The following TMEM117 variants were observed in gnomAD, a reference collection of about 807,000 sequenced individuals.
TMEM117 encodes transmembrane protein 117.
Under a neutral mutation model 52.4 loss-of-function variants are expected in TMEM117, and 27 were observed. That is an observed-to-expected ratio of 0.51 (90% CI 0.38 to 0.71). TMEM117 has a LOEUF of 0.71. Ranked by LOEUF, TMEM117 falls within the 30% of genes least tolerant of loss-of-function variation. The pLI is 0.00. For synonymous variants in TMEM117, 215 were observed against 206.3 expected, an observed-to-expected ratio of 1.04 and a Z score of -0.36; for missense variants, 556 against 630.5, an observed-to-expected ratio of 0.88 and a Z score of 1.26.
intron 6 of TMEM117, among the ~76,000 whole-genome samples, chr12:44,340,947 C>A (rs1951408486): frequency 1.3e-5 from 2 of 152,044 alleles, no homozygotes; most frequent in Admixed American, 1.3e-4. Flanking sequence ...CCACCCACCT[C>A]CCATCTCTCA....
At chr12:44,024,241 G>C (rs1474258642) in intron 3 of TMEM117, among the ~76,000 whole-genome samples, 6 of 152,156 alleles carry the variant, frequency 3.9e-5, no homozygotes, top group African/African-American at 1.4e-4. Flanking sequence ...ATGAAGACAA[G>C]TCAGTTGATA....
intron 6 of TMEM117, among the ~76,000 whole-genome samples, chr12:44,306,632 G>C (rs17094405): frequency 6.6e-6 from 1 of 152,116 alleles, no homozygotes; most frequent in Non-Finnish European, 1.5e-5. Flanking sequence ...AGGAGAGGAA[G>C]TGTTTTATCA....
intron 1 of TMEM117, among the ~76,000 whole-genome samples, chr12:43,843,669 TA>T (rs1177723944): frequency 3.9e-5 from 6 of 152,196 alleles, no homozygotes; most frequent in African/African-American, 1.4e-4. Flanking sequence ...TCTTCACTAG[TA>T]AAAAAATTCT....
intron 6 of TMEM117, among the ~76,000 whole-genome samples, chr12:44,358,136 T>G (rs1310943150): frequency 6.6e-6 from 1 of 151,838 alleles, no homozygotes; most frequent in African/African-American, 2.4e-5. Flanking sequence ...AACAGGGACA[T>G]AAAGCAACAA....
At chr12:43,838,445 A>G (rs531688930) in intron 1 of TMEM117, among the ~76,000 whole-genome samples, 4 of 148,930 alleles carry the variant, frequency 2.7e-5, no homozygotes, top group African/African-American at 9.9e-5. Context: ...GACATTCCAT[A>G]TATTTGGTTT....
At chr12:44,206,911 A>C (rs932230149) in intron 4 of TMEM117, among the ~76,000 whole-genome samples, 5 of 152,142 alleles carry the variant, frequency 3.3e-5, no homozygotes, top group African/African-American at 1.2e-4. Context: ...AGCAAACCCC[A>C]GTGACACACA....
intron 2 of TMEM117, among the ~76,000 whole-genome samples, chr12:43,891,514 A>G (rs1416036608): frequency 6.6e-6 from 1 of 151,446 alleles, no homozygotes; most frequent in Non-Finnish European, 1.5e-5. Flanking sequence ...CTGGGACTAC[A>G]GGCACCCACC....
intron 4 of TMEM117, among the ~76,000 whole-genome samples, chr12:44,152,658 A>G (rs1948765118): frequency 1.5e-5 from 2 of 131,602 alleles, no homozygotes; most frequent in Non-Finnish European, 3.1e-5. Flanking sequence ...TATAATATTT[A>G]TATCATATAT....
chr12:44,147,129 G>C (rs1948654073), intron 4 of TMEM117, among the ~76,000 whole-genome samples: 1 of 152,120 alleles, frequency 6.6e-6, no homozygotes, highest in Non-Finnish European at 1.5e-5. Flanking sequence ...TTTTAAAATA[G>C]GTTAATATGT....
chr12:44,171,778 G>A (rs1454370856), intron 4 of TMEM117, among the ~76,000 whole-genome samples: 1 of 152,130 alleles, frequency 6.6e-6, no homozygotes, highest in Non-Finnish European at 1.5e-5. Context: ...TATCAAGACT[G>A]GGAGAGGGGA....
intron 3 of TMEM117, among the ~76,000 whole-genome samples, chr12:44,045,826 G>A (rs1166069959): frequency 6.6e-5 from 10 of 152,088 alleles, no homozygotes; most frequent in African/African-American, 1.7e-4. Context: ...CTGGGCGACC[G>A]TGCGAGACTC....
chr12:43,905,304 T>G (rs1004730501), intron 2 of TMEM117, among the ~76,000 whole-genome samples: 2 of 152,184 alleles, frequency 1.3e-5, no homozygotes, highest in Admixed American at 6.5e-5. Flanking sequence ...CTAGAATACT[T>G]GAGTATTCTT....
intron 3 of TMEM117, among the ~76,000 whole-genome samples, chr12:44,085,294 A>G (rs1043277544): frequency 2.6e-5 from 4 of 152,056 alleles, no homozygotes; most frequent in Non-Finnish European, 5.9e-5. Flanking sequence ...TGTGCTTTAC[A>G]TAGTGCTCAA....
intron 3 of TMEM117, among the ~76,000 whole-genome samples, chr12:44,049,838 G>T (rs1330986293): frequency 3.3e-5 from 5 of 152,130 alleles, no homozygotes; most frequent in Non-Finnish European, 7.4e-5. Context: ...TTTTCAATTG[G>T]AGAGAATGGC....
chr12:43,994,794 G>A (rs987332090), intron 3 of TMEM117, among the ~76,000 whole-genome samples: 7 of 151,988 alleles, frequency 4.6e-5, no homozygotes, highest in African/African-American at 1.5e-4. Context: ...AATGGTCTTC[G>A]TTGGACTGGG....
chr12:44,387,163 GA>G (rs1952099877), intron 7 of TMEM117, among the ~76,000 whole-genome samples: 3 of 151,348 alleles, frequency 2.0e-5, no homozygotes, highest in Admixed American at 1.3e-4. Context: ...AGTATCACTC[GA>G]AAGTTTTTTC....
chr12:43,852,461 G>A (rs1943327109), intron 2 of TMEM117, among the ~76,000 whole-genome samples: 1 of 152,148 alleles, frequency 6.6e-6, no homozygotes, highest in Non-Finnish European at 1.5e-5. Flanking sequence ...AATTAGCTGG[G>A]TGTGGTGGCA....
rs555938910 is a variant in TMEM117, at chr12:43,846,348, T to C, written c.277+1420T>C. ...TGACATCTGTTATGATGCGTTTGTCTCTCTCTATAATATCTGCTTTATTCT... is the reference window on the plus strand; with the variant it reads ...TGACATCTGTTATGATGCGTTTGTCCCTCTCTATAATATCTGCTTTATTCT... On this transcript the variant is annotated intron_variant, in intron 2 of 7. Transcript: ENST00000266534. 4.2e-3 allele frequency among the ~76,000 whole-genome samples: 629 copies of C among 151,506 alleles called. 5 individuals carry two copies. Among genetic ancestry groups the C allele is most frequent in the African/African-American group, 0.015 (594 of 40,918 alleles).
At chr12:43,796,071 C>T in the TMEM117 span, among the ~76,000 whole-genome samples, 1 of 152,186 alleles carries the variant, frequency 6.6e-6, no homozygotes, top group Non-Finnish European at 1.5e-5. Context: ...ACTCATGACC[C>T]TTTCATCACT....
Sources: gnomAD v4.1 joint callset for allele counts (sites outside exome capture counted in the v4.1 genomes callset) on GRCh38, gnomAD v4.1.1 for gene constraint, MANE v1.5 for transcripts, NCBI Gene and HGNC (gene_info 2026-07-23, HGNC 2026-07-21) for gene names.